TRIOBP: variants seen among roughly 807,000 people sequenced by gnomAD.
TRIOBP encodes TRIO and F-actin-binding protein.
A neutral mutation model predicts 238.8 loss-of-function variants in TRIOBP; 169 were observed. The observed-to-expected ratio is 0.71, with a 90% confidence interval of 0.62 to 0.80. TRIOBP has a LOEUF of 0.80. TRIOBP is among the 30% of genes least tolerant of loss of function. The pLI, the probability that TRIOBP is intolerant of heterozygous loss-of-function variation, is 0.00. For missense variants in TRIOBP, 2,838 were observed against 3,122.6 expected (o/e 0.91, Z 2.17); for synonymous variants, 1,150 against 1,274.4 (o/e 0.90, Z 2.08).
chr22:37,726,526 C>T (rs1418670605), intron 7 of TRIOBP, 23 bp downstream of exon 7: 1 of 1,451,572 alleles, frequency 6.9e-7, no homozygotes, highest in Admixed American at 2.6e-5. Context: ...GTGGGGTCAG[C>T]CAGGTGGGCT....
rs1322375044 is a variant in TRIOBP, at chr22:37,748,682, T to G, written c.5323-3090T>G. Among the ~76,000 whole-genome samples the G allele has an allele frequency of 2.0e-5, 3 of 152,106 alleles. No homozygotes were observed. The South Asian group carries it at 6.2e-4, about 32-fold the overall frequency. On this transcript the variant is annotated intron_variant, in intron 11 of 23. Coordinates refer to ENST00000644935, the MANE Select transcript of TRIOBP (RefSeq NM_001039141.3). ...CCCTGACTGTGAGTTGCATCTAATC[T>G]AGCCTGTGAAGGATAAGTAAAGGGC...
At chr22:37,718,882 T>C (rs992980872) in intron 6 of TRIOBP, among the ~76,000 whole-genome samples, 1 of 141,962 alleles carries the variant, frequency 7.0e-6, no homozygotes, top group Admixed American at 7.1e-5. Flanking sequence ...AGTCTTGCTC[T>C]GTTCCCCAGG....
chr22:37,702,595 A>C (rs1266637112), intron 3 of TRIOBP, among the ~76,000 whole-genome samples: 1 of 151,110 alleles, frequency 6.6e-6, no homozygotes, highest in Non-Finnish European at 1.5e-5. Flanking sequence ...AGATGTTAAG[A>C]ATACACCAGC....
At chr22:37,743,244 T>C (rs1304394936) in intron 11 of TRIOBP, among the ~76,000 whole-genome samples, 3 of 152,256 alleles carry the variant, frequency 2.0e-5, no homozygotes, top group Admixed American at 6.5e-5. Flanking sequence ...TCTCTTGGGC[T>C]GAAGCAGTGA....
At chr22:37,741,988 C>T (rs1185139776) in intron 11 of TRIOBP, among the ~76,000 whole-genome samples, 1 of 152,190 alleles carries the variant, frequency 6.6e-6, no homozygotes, top group Non-Finnish European at 1.5e-5. Flanking sequence ...GACGGAGTCT[C>T]GCTCTATCGC....
intron 12 of TRIOBP, among the ~76,000 whole-genome samples, chr22:37,753,085 C>G (rs1246549218): frequency 6.6e-6 from 1 of 152,170 alleles, no homozygotes; most frequent in East Asian, 1.9e-4. Flanking sequence ...CAATTGAGGT[C>G]TGCAGCAGCA....
intron 6 of TRIOBP, among the ~76,000 whole-genome samples, chr22:37,721,293 G>A (rs919705235): frequency 1.3e-5 from 2 of 152,138 alleles, no homozygotes; most frequent in Non-Finnish European, 2.9e-5. Context: ...CATTACAGGC[G>A]TGAGCCACCG....
intron 7 of TRIOBP, among the ~76,000 whole-genome samples, chr22:37,730,480 C>T (rs954186592): frequency 4.6e-5 from 7 of 152,152 alleles, no homozygotes; most frequent in East Asian, 3.8e-4. Flanking sequence ...TTCCCTGCAC[C>T]GGGTGTTTCC....
rs767254131 is a variant in TRIOBP, at chr22:37,723,746, C to G, written c.1190C>G (p.Thr397Ser). The G allele has an allele frequency of 1.9e-6, 3 of 1,586,846 alleles. No homozygotes were observed. The change falls in exon 7 of 24, where the codon ACT (threonine) becomes AGT (serine). Residue 397 changes from threonine to serine, a missense_variant. Transcript: ENST00000644935. ...DPRASSPNRT[T>S]QRENSRTSCA... ...AGAGCCTCCTCTCCCAACAGAACCA[C>G]TCAACGAGAGAATTCCAGAACATCC...
chr22:37,745,320 C>T (rs1210279369), intron 11 of TRIOBP, among the ~76,000 whole-genome samples: 1 of 152,104 alleles, frequency 6.6e-6, no homozygotes, highest in Non-Finnish European at 1.5e-5. Context: ...CTTCCAGCAA[C>T]CTCATGAGGT....
chr22:37,731,943 C>T (rs2413483), intron 7 of TRIOBP, among the ~76,000 whole-genome samples: 36,982 of 152,136 alleles, frequency 0.24, 5,418 homozygotes, highest in South Asian at 0.41. Flanking sequence ...GGCACAGGCC[C>T]ACCACAGACA....
intron 7 of TRIOBP, 73 bp downstream of exon 7, chr22:37,726,576 G>A: frequency 5.1e-6 from 7 of 1,373,784 alleles, no homozygotes; most frequent in Non-Finnish European, 6.6e-6. Context: ...AAGGGTTAGG[G>A]TGCCAAAAGA....
At chr22:37,750,923 G>A in intron 11 of TRIOBP, 1 of 369,902 alleles carries the variant, frequency 2.7e-6, no homozygotes, top group Non-Finnish European at 5.5e-6. Flanking sequence ...TGATAGGTAG[G>A]CTCAGAGCCA....
intron 6 of TRIOBP, among the ~76,000 whole-genome samples, chr22:37,722,823 G>A (rs939106544): frequency 6.6e-6 from 1 of 152,194 alleles, no homozygotes; most frequent in African/African-American, 2.4e-5. Context: ...CTGCTGTTGG[G>A]CCCACCTCTC....
rs1569034727 is a variant in TRIOBP at position 37,711,603 on chromosome 22, A to ACG, written c.254+1037_254+1038insCG. Among the ~76,000 whole-genome samples, 19 of 86,284 alleles carry ACG rather than the reference A, an allele frequency of 2.2e-4. 1 individual carries two copies. The highest frequency in any genetic ancestry group is 4.3e-4 in the Non-Finnish European group (15 of 35,068). The allele number at this position is 86,284 out of a possible 152,430, so 56.6% of individuals were successfully genotyped here. A position where few individuals can be genotyped will look rare whatever the true frequency, so the allele number is the denominator to read the frequency against. ...CAAAAAAAAAAAAAACAACAAAAAA[A>ACG]AAAAACAAAAAAAAACCCACAAAAA... On this transcript the variant is annotated intron_variant, in intron 4 of 23. Coordinates refer to ENST00000644935, the MANE Select transcript of TRIOBP (RefSeq NM_001039141.3).
At position 37,734,459 on chromosome 22, in the gene TRIOBP, CA is replaced by C; in HGVS notation, c.4124del (p.His1375LeufsTer69). On this transcript the variant is annotated frameshift_variant, in exon 9 of 24. Coordinates refer to ENST00000644935, the MANE Select transcript of TRIOBP (RefSeq NM_001039141.3). LOFTEE classifies it high-confidence loss of function. ...CCGGCGGAGCCAAGCAGAGCCCCCT[CA>C]TCCTTGGAGTCCTGAGAAGAGACCT... ...LTRRSQAEPP[H>X]PWSPEKRPEG... 4.3e-6 allele frequency: 7 copies of C among 1,613,144 alleles called. No individual in the cohort carries two copies. The highest frequency in any genetic ancestry group is 5.9e-6 in the Non-Finnish European group (7 of 1,179,898).
At chr22:37,710,070 A>T (rs1218231545) in intron 3 of TRIOBP, among the ~76,000 whole-genome samples, 1 of 152,220 alleles carries the variant, frequency 6.6e-6, no homozygotes, top group Admixed American at 6.5e-5. Context: ...ATGAAGTTGC[A>T]CTCATGCAAA....
At position 37,723,829 on chromosome 22, in the gene TRIOBP, C is replaced by T. The variant is rs947401041; in HGVS notation, c.1273C>T (p.Arg425Ter). Residue 425 changes from arginine to a stop codon, truncating the protein, a stop_gained, in exon 7 of 24, where the codon CGA becomes TGA. Transcript: ENST00000644935. LOFTEE classifies it high-confidence loss of function. ...AACCTCCTCTCCCAATAGAGCCACACGAGACAACCCCAGAACATCCTGCGC... is the reference window on the plus strand; with the variant it reads ...AACCTCCTCTCCCAATAGAGCCACATGAGACAACCCCAGAACATCCTGCGC... ...SRTSSPNRAT[R>*]DNPRTSCAQR... 3.1e-6 allele frequency: 5 copies of T among 1,592,450 alleles called. No individual in the cohort carries two copies. The highest frequency in any genetic ancestry group is 2.3e-5 in the East Asian group (1 of 44,268).
At chr22:37,746,306 C>T in intron 11 of TRIOBP, 1 of 1,117,432 alleles carries the variant, frequency 8.9e-7, no homozygotes, top group Non-Finnish European at 1.1e-6. Flanking sequence ...GGCGGGCGGC[C>T]GAGAGGGGCG....
Sources: gnomAD v4.1 joint callset for allele counts (sites outside exome capture counted in the v4.1 genomes callset) on GRCh38, gnomAD v4.1.1 for gene constraint, MANE v1.5 for transcripts, NCBI Gene and HGNC (gene_info 2026-07-23, HGNC 2026-07-21) for gene names.